Variants in NRXN3 observed in about 807,000 individuals in gnomAD.
NRXN3 encodes the protein neurexin III.
Under a neutral mutation model 137.6 loss-of-function variants are expected in NRXN3, and 32 were observed. The ratio of observed to expected loss-of-function variants is 0.23; its 90% confidence interval spans 0.18 to 0.31. The LOEUF is 0.31. NRXN3 is among the 10% of genes least tolerant of loss of function. The pLI, the probability that NRXN3 is intolerant of heterozygous loss-of-function variation, is 1.00. For synonymous variants in NRXN3, 798 were observed against 784.5 expected (o/e 1.02, Z -0.29); for missense variants, 1,574 against 2,062.5 (o/e 0.76, Z 4.59).
intron 16 of NRXN3, among the ~76,000 whole-genome samples, chr14:79,661,946 C>G (rs1243189938): frequency 1.3e-5 from 2 of 152,064 alleles, no homozygotes; most frequent in Admixed American, 6.6e-5. Flanking sequence ...TGGGAGGGAG[C>G]CAGTGGGAGG....
intron 9 of NRXN3, among the ~76,000 whole-genome samples, chr14:78,805,832 A>AC (rs898805752): frequency 6.6e-6 from 1 of 152,144 alleles, no homozygotes; most frequent in African/African-American, 2.4e-5. Context: ...GACAGGTCTC[A>AC]CATCTTAGAA....
At chr14:78,906,840 GT>G (rs957417852) in intron 10 of NRXN3, among the ~76,000 whole-genome samples, 43 of 149,034 alleles carry the variant, frequency 2.9e-4, no homozygotes, top group Admixed American at 2.1e-3. Context: ...GAAAGAAAAG[GT>G]TTTTTTTTTC....
chr14:79,708,333 T>TGCCA (rs1356080278), intron 19 of NRXN3, among the ~76,000 whole-genome samples: 2 of 152,120 alleles, frequency 1.3e-5, no homozygotes, highest in Non-Finnish European at 2.9e-5. Flanking sequence ...GCAAATACTA[T>TGCCA]GCCATTTTAT....
chr14:78,601,844 AG>A (rs753983993), intron 4 of NRXN3, among the ~76,000 whole-genome samples: 3 of 152,136 alleles, frequency 2.0e-5, no homozygotes, highest in Non-Finnish European at 2.9e-5. Flanking sequence ...ACTGGTAAAA[AG>A]GTTTATGCTA....
At chr14:79,852,679 G>A (rs894720018) in intron 20 of NRXN3, among the ~76,000 whole-genome samples, 7 of 151,948 alleles carry the variant, frequency 4.6e-5, no homozygotes, top group Admixed American at 1.3e-4. Flanking sequence ...TGGCTATCAC[G>A]AAAAGGGGAA....
At chr14:79,641,251 G>T (rs113105519) in intron 16 of NRXN3, among the ~76,000 whole-genome samples, 5,122 of 134,214 alleles carry the variant, frequency 0.038, 511 homozygotes, top group African/African-American at 0.12. Context: ...CTCGTGATTT[G>T]CCCACCTCAG....
chr14:79,385,715 A>C (rs2094594943), intron 15 of NRXN3, among the ~76,000 whole-genome samples: 1 of 152,146 alleles, frequency 6.6e-6, no homozygotes, highest in African/African-American at 2.4e-5. Flanking sequence ...AAACCTGCAC[A>C]TAGTGTACAT....
chr14:79,514,339 T>G (rs1268301036), intron 16 of NRXN3, among the ~76,000 whole-genome samples: 3 of 152,022 alleles, frequency 2.0e-5, no homozygotes, highest in African/African-American at 7.2e-5. Flanking sequence ...CTCTAAAAGA[T>G]TATAGAATTT....
At chr14:79,693,051 C>A (rs982092513) in intron 18 of NRXN3, among the ~76,000 whole-genome samples, 5 of 151,976 alleles carry the variant, frequency 3.3e-5, no homozygotes, top group Admixed American at 3.3e-4. Flanking sequence ...AGACAACAAC[C>A]ACTGTTAATA....
At chr14:78,500,954 A>T (rs1429997691) in intron 4 of NRXN3, among the ~76,000 whole-genome samples, 2 of 152,142 alleles carry the variant, frequency 1.3e-5, no homozygotes, top group African/African-American at 4.8e-5. Flanking sequence ...CATTAATGGG[A>T]ATAGACAGCT....
At chr14:78,629,780 A>G (rs2097502958) in intron 4 of NRXN3, among the ~76,000 whole-genome samples, 1 of 152,232 alleles carries the variant, frequency 6.6e-6, no homozygotes, top group Non-Finnish European at 1.5e-5. Context: ...CTGAATTCTC[A>G]AAGGGAGTTC....
chr14:79,196,638 TATAG>T (rs74878655), intron 15 of NRXN3, among the ~76,000 whole-genome samples: 20 of 151,502 alleles, frequency 1.3e-4, no homozygotes, highest in Admixed American at 1.1e-3. Flanking sequence ...CTGTGATTGA[TATAG>T]ATAGATAGAT....
At chr14:79,042,181 T>G (rs2099626153) in intron 15 of NRXN3, among the ~76,000 whole-genome samples, 1 of 152,208 alleles carries the variant, frequency 6.6e-6, no homozygotes, top group Non-Finnish European at 1.5e-5. Flanking sequence ...TGGGGACCTG[T>G]CAGTCTTCCT....
At chr14:78,570,576 G>C (rs1295960920) in intron 4 of NRXN3, among the ~76,000 whole-genome samples, 1 of 152,126 alleles carries the variant, frequency 6.6e-6, no homozygotes, top group Non-Finnish European at 1.5e-5. Context: ...ATGCAATTCT[G>C]GGTGGCCAAG....
chr14:79,600,714 G>A (rs980012358), intron 16 of NRXN3, among the ~76,000 whole-genome samples: 1 of 152,098 alleles, frequency 6.6e-6, no homozygotes, highest in African/African-American at 2.4e-5. Flanking sequence ...CTGGCAACGC[G>A]AAATACCAGG....
intron 8 of NRXN3, among the ~76,000 whole-genome samples, chr14:78,726,515 C>CTT (rs71452901): frequency 0.37 from 38,322 of 102,444 alleles, 9,216 homozygotes; most frequent in East Asian, 0.48. Flanking sequence ...ACCATTTTAG[C>CTT]TTTTTTTTTT....
intron 15 of NRXN3, among the ~76,000 whole-genome samples, chr14:79,096,536 T>A (rs368731049): frequency 1.3e-5 from 2 of 152,168 alleles, no homozygotes; most frequent in African/African-American, 4.8e-5. Flanking sequence ...GTTTTTAACT[T>A]CTCTGAGCCA....
Position 78,709,380 on chromosome 14 carries a change from A to AGTGGAACAC in NRXN3, c.1386_1394dup (p.Trp463_Thr465dup). On this transcript the variant is annotated inframe_insertion, in exon 7 of 21. Coordinates refer to ENST00000335750, the MANE Select transcript of NRXN3 (RefSeq NM_001330195.2). ...CCAGAGGCTTACATCAGCTTGCCCA[A>AGTGGAACAC]GTGGAACACTAAACGTATGGGCTCC... The AGTGGAACAC allele has an allele frequency of 6.2e-7, 1 of 1,614,158 alleles. No homozygotes were observed. Among genetic ancestry groups the AGTGGAACAC allele is most frequent in the Non-Finnish European group, 8.5e-7 (1 of 1,180,026 alleles).
chr14:78,678,764 T>A (rs944574852), intron 6 of NRXN3, among the ~76,000 whole-genome samples: 1 of 152,180 alleles, frequency 6.6e-6, no homozygotes, highest in Non-Finnish European at 1.5e-5. Context: ...TTGTTTCTAC[T>A]GAGAATCCAG....
Sources: gnomAD v4.1 joint callset for allele counts (sites outside exome capture counted in the v4.1 genomes callset) on GRCh38, gnomAD v4.1.1 for gene constraint, MANE v1.5 for transcripts, NCBI Gene and HGNC (gene_info 2026-07-23, HGNC 2026-07-21) for gene names.